ROBO2: variants seen among roughly 807,000 people sequenced by gnomAD.
ROBO2 encodes the protein roundabout homolog 2.
Under a neutral mutation model 160.8 loss-of-function variants are expected in ROBO2, and 53 were observed. The ratio of observed to expected loss-of-function variants is 0.33; its 90% CI spans 0.26 to 0.41. ROBO2 has a LOEUF of 0.41. Among genes scored for constraint, ROBO2 ranks in the 10% least tolerant of loss-of-function variants. The probability of loss-of-function intolerance (pLI) is 1.00; values close to 1 mark genes in which losing one functional copy is unlikely to be tolerated. For missense variants in ROBO2, 1,577 were observed against 1,722.4 expected, an observed-to-expected ratio of 0.92 and a Z score of 1.49; for synonymous variants, 664 against 611.7, an observed-to-expected ratio of 1.09 and a Z score of -1.26.
At chr3:77,148,326 G>A (rs545306511) in intron 2 of ROBO2, among the ~76,000 whole-genome samples, 1 of 152,174 alleles carries the variant, frequency 6.6e-6, no homozygotes, top group Admixed American at 6.5e-5. Context: ...TTAAGCAGAG[G>A]ACATACTGTG....
chr3:76,915,729 C>G (rs2076265203), intron 2 of ROBO2, among the ~76,000 whole-genome samples: 1 of 151,068 alleles, frequency 6.6e-6, no homozygotes, highest in South Asian at 2.1e-4. Context: ...GGAGGCGGCT[C>G]TGTGACTTCC....
intron 2 of ROBO2, among the ~76,000 whole-genome samples, chr3:76,214,181 T>C (rs1703339637): frequency 6.6e-6 from 1 of 152,148 alleles, no homozygotes; most frequent in South Asian, 2.1e-4. Flanking sequence ...ACAATAGCAA[T>C]GTGATAATTT....
intron 2 of ROBO2, among the ~76,000 whole-genome samples, chr3:76,454,652 G>T (rs927147722): frequency 1.3e-5 from 2 of 152,110 alleles, no homozygotes; most frequent in African/African-American, 4.8e-5. Context: ...TATTCTGTGT[G>T]AGGAATTAAT....
chr3:76,060,579 T>A (rs2068039960), intron 2 of ROBO2, among the ~76,000 whole-genome samples: 1 of 152,226 alleles, frequency 6.6e-6, no homozygotes, highest in African/African-American at 2.4e-5. Context: ...AATTTCTGGT[T>A]GATGACTGTC....
chr3:76,355,341 CTATTAT>C (rs912256699), intron 2 of ROBO2, among the ~76,000 whole-genome samples: 1 of 151,596 alleles, frequency 6.6e-6, no homozygotes, highest in African/African-American at 2.4e-5. Flanking sequence ...AGCAATAATT[CTATTAT>C]TATTATTTCA....
At chr3:77,357,255 T>C (rs530231693) in intron 2 of ROBO2, among the ~76,000 whole-genome samples, 1 of 152,274 alleles carries the variant, frequency 6.6e-6, no homozygotes, top group East Asian at 1.9e-4. Flanking sequence ...TGCTTCTCAT[T>C]TCTCTAGCAA....
At chr3:76,887,823 G>T (rs2074028159) in intron 2 of ROBO2, among the ~76,000 whole-genome samples, 1 of 151,964 alleles carries the variant, frequency 6.6e-6, no homozygotes, top group East Asian at 1.9e-4. Context: ...CCCCTCCCTT[G>T]ATTTTTGTAC....
chr3:77,260,750 G>A (rs1185376110), intron 2 of ROBO2, among the ~76,000 whole-genome samples: 1 of 152,190 alleles, frequency 6.6e-6, no homozygotes, highest in Non-Finnish European at 1.5e-5. Flanking sequence ...GACTTGTCAG[G>A]AGAGTCAATC....
At chr3:77,626,102 G>A (rs1242523909) in intron 23 of ROBO2, among the ~76,000 whole-genome samples, 1 of 152,064 alleles carries the variant, frequency 6.6e-6, no homozygotes, top group African/African-American at 2.4e-5. Context: ...TGAGGAATAG[G>A]TATATTTAAG....
At chr3:76,859,901 C>A (rs934350670) in intron 2 of ROBO2, among the ~76,000 whole-genome samples, 1 of 152,094 alleles carries the variant, frequency 6.6e-6, no homozygotes, top group Non-Finnish European at 1.5e-5. Flanking sequence ...GATATGACAT[C>A]TGTGGCAAGT....
chr3:76,194,353 A>ATATATCT (rs1553672736), intron 2 of ROBO2, among the ~76,000 whole-genome samples: 1 of 94,532 alleles, frequency 1.1e-5, no homozygotes, highest in African/African-American at 4.1e-5. Context: ...ATGGTGTGTA[A>ATATATCT]ATATATATAT....
chr3:77,056,341 A>T (rs1578581036), intron 1 of ROBO2, among the ~76,000 whole-genome samples: 1 of 152,216 alleles, frequency 6.6e-6, no homozygotes, highest in East Asian at 1.9e-4. Flanking sequence ...GAGTTTATAA[A>T]GACCTAATTT....
intron 1 of ROBO2, chr3:77,092,024 TAAAA>T (rs1261411275): frequency 2.7e-5 from 4 of 146,892 alleles, no homozygotes; most frequent in Non-Finnish European, 4.5e-5. Context: ...AATAAATAAA[TAAAA>T]AGAATCTGTA....
chr3:76,886,230 A>G, intron 2 of ROBO2, among the ~76,000 whole-genome samples: 1 of 149,278 alleles, frequency 6.7e-6, no homozygotes, highest in African/African-American at 2.5e-5. Context: ...TACGCCTTTT[A>G]TAGCTAGGAG....
At chr3:76,945,169 A>G (rs1449790601) in intron 2 of ROBO2, among the ~76,000 whole-genome samples, 2 of 152,150 alleles carry the variant, frequency 1.3e-5, no homozygotes, top group African/African-American at 4.8e-5. Context: ...TTTTAACAGC[A>G]GAATATGGTA....
intron 2 of ROBO2, among the ~76,000 whole-genome samples, chr3:76,172,949 A>C (rs2073098298): frequency 6.6e-6 from 1 of 152,086 alleles, no homozygotes; most frequent in Non-Finnish European, 1.5e-5. Context: ...TAAAGCTTCA[A>C]GCAAAGGTAG....
intron 2 of ROBO2, among the ~76,000 whole-genome samples, chr3:76,841,591 A>G (rs1010347036): frequency 1.3e-5 from 2 of 152,140 alleles, no homozygotes; most frequent in African/African-American, 4.8e-5. Flanking sequence ...ATCCAATTTC[A>G]TTAGTTTTAA....
At chr3:77,169,141 A>G (rs2079387085) in intron 2 of ROBO2, among the ~76,000 whole-genome samples, 1 of 152,230 alleles carries the variant, frequency 6.6e-6, no homozygotes, top group Non-Finnish European at 1.5e-5. Context: ...GGACATGTGA[A>G]TAAATGAAAT....
At chr3:77,006,817 G>T (rs1463380976) in intron 2 of ROBO2, among the ~76,000 whole-genome samples, 4 of 151,818 alleles carry the variant, frequency 2.6e-5, no homozygotes, top group Non-Finnish European at 4.4e-5. Flanking sequence ...AAATAGGAAA[G>T]AAAATTATAA....
Sources: allele counts gnomAD v4.1 joint callset (sites outside exome capture counted in the v4.1 genomes callset), GRCh38; gene constraint gnomAD v4.1.1; transcripts MANE v1.5; gene names NCBI Gene and HGNC (gene_info 2026-07-23, HGNC 2026-07-21).